Variants in HMOX2 observed in about 807,000 individuals in gnomAD.
HMOX2 encodes heme oxygenase (decycling) 2.
HMOX2 carries 30 observed loss-of-function variants against 33.7 expected under a neutral mutation model. That is an observed-to-expected ratio of 0.89 (90% CI 0.67 to 1.21). The LOEUF is 1.21. Ranked by LOEUF, HMOX2 falls within the 50% of genes most tolerant of loss-of-function variation. HMOX2 has a pLI of 0.00. For synonymous variants in HMOX2, 155 were observed against 155.0 expected (o/e 1.00, Z 0.00); for missense variants, 403 against 399.1 (o/e 1.01, Z -0.08).
At chr16:4,498,876 G>T (rs1008889191) in intron 1 of HMOX2, among the ~76,000 whole-genome samples, 3 of 152,104 alleles carry the variant, frequency 2.0e-5, no homozygotes, top group Non-Finnish European at 4.4e-5. Context: ...GCTTCTTCAG[G>T]GTGTTGAGAA....
intron 1 of HMOX2, among the ~76,000 whole-genome samples, chr16:4,485,695 A>T (rs1028752367): frequency 2.6e-5 from 4 of 151,980 alleles, no homozygotes; most frequent in Non-Finnish European, 4.4e-5. Context: ...TAGAACAGGG[A>T]TTGATTTTTT....
rs773286905 is a variant in HMOX2, at chr16:4,506,960, C to G, written c.152C>G (p.Thr51Ser). ...GAAGCACACGACCGGGCAGAAAACA[C>G]CCAGTTTGTCAAGGACTTCTTGAAA... is the stretch of plus-strand genomic sequence containing the variant. ...TKEAHDRAEN[T>S]QFVKDFLKGN... Residue 51 changes from threonine to serine, a missense_variant, in exon 3 of 6, where the codon ACC (threonine) becomes AGC (serine). Transcript: ENST00000570646. 4.3e-6 allele frequency: 7 copies of G among 1,614,062 alleles called. No homozygotes were observed. Among genetic ancestry groups the G allele is most frequent in the Non-Finnish European group, 4.2e-6 (5 of 1,179,946 alleles).
intron 1 of HMOX2, among the ~76,000 whole-genome samples, chr16:4,492,822 A>G (rs1192807393): frequency 6.6e-6 from 1 of 152,140 alleles, no homozygotes; most frequent in African/African-American, 2.4e-5. Flanking sequence ...GGATCACTTG[A>G]GGTCAGCAGT....
chr16:4,496,596 G>T (rs2058428310), intron 1 of HMOX2: 1 of 152,188 alleles, frequency 6.6e-6, no homozygotes, highest in Non-Finnish European at 1.5e-5. Flanking sequence ...AACCAATGAG[G>T]ATTAGCCAGG....
At chr16:4,494,542 A>G (rs1301615631) in intron 1 of HMOX2, among the ~76,000 whole-genome samples, 2 of 152,064 alleles carry the variant, frequency 1.3e-5, no homozygotes, top group East Asian at 1.9e-4. Flanking sequence ...GTTCCAAACA[A>G]TTTGTTACTA....
chr16:4,499,615 A>T (rs548862137), intron 1 of HMOX2, among the ~76,000 whole-genome samples: 1 of 152,320 alleles, frequency 6.6e-6, no homozygotes, highest in Non-Finnish European at 1.5e-5. Flanking sequence ...TATAGTTAAT[A>T]TGGTTAATAT....
chr16:4,505,381 G>A (rs2058664252), intron 1 of HMOX2, 103 bp from the exon 2 acceptor site: 6 of 585,628 alleles, frequency 1.0e-5, no homozygotes, highest in Non-Finnish European at 1.9e-5. Flanking sequence ...GGGTGTGTGG[G>A]TGTCACCTTG....
intron 4 of HMOX2, 50 bp downstream of exon 4, chr16:4,508,254 A>G (rs773876717): frequency 1.2e-4 from 185 of 1,549,184 alleles, no homozygotes; most frequent in Non-Finnish European, 1.6e-4. Flanking sequence ...AAACTTTGAC[A>G]GTGGTAGCAG....
At chr16:4,484,503 C>A (rs1396814051) in intron 1 of HMOX2, among the ~76,000 whole-genome samples, 1 of 148,650 alleles carries the variant, frequency 6.7e-6, no homozygotes, top group Admixed American at 6.7e-5. Flanking sequence ...CACTGTCACC[C>A]AGGCTGGAGT....
rs11542540 is a variant in HMOX2, at chr16:4,507,775, G to C, written c.267G>C (p.Lys89Asn). ...SALEEEMERN[K>N]DHPAFAPLYF... is the part of the protein sequence containing the mutation. ...TCGAGGAGGAAATGGAGCGCAACAA[G>C]GACCATCCAGCCTTTGCCCCTTTGT... is the stretch of plus-strand genomic sequence containing the variant. The change falls in exon 4 of 6, where the codon AAG becomes AAC. Residue 89 changes from lysine (K) to asparagine (N), a missense_variant. Coordinates refer to ENST00000570646, the MANE Select transcript of HMOX2 (RefSeq NM_002134.4). 1 of 1,614,166 alleles carries C rather than the reference G, an allele frequency of 6.2e-7. No individual in the cohort carries two copies. Among genetic ancestry groups the C allele is most frequent in the Non-Finnish European group, 8.5e-7 (1 of 1,180,028 alleles).
chr16:4,509,769 G>C lies in HMOX2; in HGVS notation c.*13G>C. 6.2e-7 allele frequency: 1 copy of C among 1,609,802 alleles called. No homozygotes were observed. Among genetic ancestry groups the C allele is most frequent in the Non-Finnish European group, 8.5e-7 (1 of 1,178,384 alleles). ...GTACTACATGTGAAGCACCCATCAT[G>C]CCACACCGGTACCCTCCTCCCGACT... On this transcript the variant is annotated 3_prime_UTR_variant, in exon 6 of 6. Transcript: ENST00000570646.
In HMOX2 at chr16:4,507,731, T is replaced by G; in HGVS notation, c.223T>G (p.Tyr75Asp). ...TCCACAGCTGGCCACCACGGCACTT[T>G]ACTTCACATACTCAGCCCTCGAGGA... ...ELFKLATTAL[Y>D]FTYSALEEEM... The change falls in exon 4 of 6, where the codon TAC becomes GAC. Residue 75 changes from tyrosine to aspartate, a missense_variant. Transcript: ENST00000570646. The G allele has an allele frequency of 6.2e-7, 1 of 1,614,068 alleles. No individual in the cohort carries two copies. Among genetic ancestry groups the G allele is most frequent in the Non-Finnish European group, 8.5e-7 (1 of 1,179,930 alleles).
At chr16:4,506,679 G>A (rs1235734397) in intron 2 of HMOX2, among the ~76,000 whole-genome samples, 2 of 152,198 alleles carry the variant, frequency 1.3e-5, no homozygotes, top group Non-Finnish European at 2.9e-5. Flanking sequence ...GTTATCCCTT[G>A]TGTCCTGAGT....
chr16:4,506,211 A>C (rs779415607), intron 2 of HMOX2, among the ~76,000 whole-genome samples: 1 of 152,244 alleles, frequency 6.6e-6, no homozygotes, highest in Non-Finnish European at 1.5e-5. Context: ...TTGTAGATGG[A>C]TTGTGTGGAC....
chr16:4,499,914 G>T (rs536203651), intron 1 of HMOX2, among the ~76,000 whole-genome samples: 17 of 152,286 alleles, frequency 1.1e-4, no homozygotes, highest in African/African-American at 3.1e-4. Flanking sequence ...TGGTATTTTA[G>T]AATTTAGCTG....
chr16:4,496,126 CT>C (rs35152645), intron 1 of HMOX2: 39,678 of 140,826 alleles, frequency 0.28, 5,708 homozygotes, highest in South Asian at 0.41. Flanking sequence ...ACTTTTCTTT[CT>C]TTTTTTTTTT....
At chr16:4,477,474 G>A (rs1200871411) in intron 1 of HMOX2, among the ~76,000 whole-genome samples, 1 of 144,334 alleles carries the variant, frequency 6.9e-6, no homozygotes, top group African/African-American at 2.6e-5. Context: ...ACTCCAGCCT[G>A]GGCGACAGAG....
At chr16:4,477,396 G>A (rs939956455) in intron 1 of HMOX2, among the ~76,000 whole-genome samples, 1 of 150,700 alleles carries the variant, frequency 6.6e-6, no homozygotes, top group African/African-American at 2.4e-5. Flanking sequence ...CTACTTAGGA[G>A]GCTGAGGCAG....
intron 4 of HMOX2, 57 bp from the exon 5 acceptor site, chr16:4,509,349 TTAAAAA>T: frequency 6.4e-7 from 1 of 1,555,428 alleles, no homozygotes; most frequent in Non-Finnish European, 8.7e-7. Context: ...CAAAAGACAT[TTAAAAA>T]AAAAAAAAAA....
Sources: allele counts gnomAD v4.1 joint callset (sites outside exome capture counted in the v4.1 genomes callset), GRCh38; gene constraint gnomAD v4.1.1; transcripts MANE v1.5; gene names NCBI Gene and HGNC (gene_info 2026-07-23, HGNC 2026-07-21).